The following SCUBE1 variants were observed in gnomAD, a reference collection of about 807,000 sequenced individuals.
SCUBE1 encodes signal peptide, CUB and EGF-like domain-containing protein 1.
In SCUBE1, 59 loss-of-function variants were observed where a neutral mutation model predicts 124.4. The ratio of observed to expected loss-of-function variants is 0.47; its 90% CI spans 0.38 to 0.59. SCUBE1 has a LOEUF of 0.59. SCUBE1 is among the 20% of genes least tolerant of loss of function. SCUBE1 has a pLI of 0.00. For synonymous variants in SCUBE1, 545 were observed against 550.9 expected (o/e 0.99, Z 0.15); for missense variants, 1,150 against 1,371.2 (o/e 0.84, Z 2.55).
intron 2 of SCUBE1, among the ~76,000 whole-genome samples, chr22:43,326,873 T>G (rs1267802964): frequency 6.6e-6 from 1 of 152,106 alleles, no homozygotes; most frequent in Non-Finnish European, 1.5e-5. Context: ...CTCTGCATCC[T>G]GAGCCCCAGC....
At chr22:43,227,981 G>A (rs1429809404) in intron 9 of SCUBE1, among the ~76,000 whole-genome samples, 1 of 152,200 alleles carries the variant, frequency 6.6e-6, no homozygotes, top group Non-Finnish European at 1.5e-5. Context: ...GGGGGAAGGG[G>A]CTGGGCCCCA....
intron 2 of SCUBE1, among the ~76,000 whole-genome samples, chr22:43,327,171 C>CG (rs1926753994): frequency 6.6e-6 from 1 of 152,168 alleles, no homozygotes; most frequent in South Asian, 2.1e-4. Context: ...ACACACAGGA[C>CG]TGCCCTGAGA....
chr22:43,296,236 T>C lies in SCUBE1; in HGVS notation c.350-5056A>G, dbSNP rs370648371. Among the ~76,000 whole-genome samples, 3 of 152,346 alleles carry C rather than the reference T, an allele frequency of 2.0e-5. 1 individual carries two copies. In the South Asian group the frequency reaches 6.2e-4, roughly 32 times the overall value. ...ATCAGTCCAACTAGCAGGGGGACAG[T>C]CCCTGCAGAAAACATTTGTGCAGCC... On this transcript the variant is annotated intron_variant, in intron 3 of 21. Coordinates refer to ENST00000360835, the MANE Select transcript of SCUBE1 (RefSeq NM_173050.5).
chr22:43,228,937 G>C, intron 9 of SCUBE1, 135 bp downstream of exon 9: 1 of 666,914 alleles, frequency 1.5e-6, no homozygotes, highest in Non-Finnish European at 2.7e-6. Context: ...CTCTGCCCAG[G>C]AGTCCCCATC....
chr22:43,281,563 C>CTTT lies in SCUBE1; in HGVS notation c.484+9482_484+9483insAAA, dbSNP rs1569011147. 2.4e-3 allele frequency among the ~76,000 whole-genome samples: 328 copies of CTTT among 137,816 alleles called. 14 individuals carry two copies. The East Asian group carries it at 0.028, about 12-fold the overall frequency. The allele number at this position is 137,816 out of a possible 152,430, so 90.4% of individuals were successfully genotyped here. A position where few individuals can be genotyped will look rare whatever the true frequency, so the allele number is the denominator to read the frequency against. On this transcript the variant is annotated intron_variant, in intron 4 of 21. Transcript: ENST00000360835. Reference sequence around the variant, plus strand: ...AGTCACCCTCCTGTCACCTCCCCCTCAGCCACCCTCCTGTCACCTCCCTTC... The same window carrying CTTT: ...AGTCACCCTCCTGTCACCTCCCCCTCTTTAGCCACCCTCCTGTCACCTCCCTTC...
intron 1 of SCUBE1, among the ~76,000 whole-genome samples, chr22:43,341,466 C>T (rs1927314700): frequency 6.6e-6 from 1 of 152,182 alleles, no homozygotes; most frequent in Non-Finnish European, 1.5e-5. Context: ...TCCCACTTCC[C>T]AGGGGCCAGT....
chr22:43,288,479 C>A (rs909638066), intron 4 of SCUBE1, among the ~76,000 whole-genome samples: 2 of 152,208 alleles, frequency 1.3e-5, no homozygotes, highest in Admixed American at 6.5e-5. Context: ...GTCCAGCCCC[C>A]ACCTCCCCGC....
intron 2 of SCUBE1, among the ~76,000 whole-genome samples, chr22:43,327,717 G>A (rs1048930105): frequency 2.6e-5 from 4 of 152,190 alleles, no homozygotes; most frequent in Admixed American, 1.3e-4. Context: ...AACCCGGGAG[G>A]CGGAGGTTGC....
At chr22:43,246,089 G>A (rs1300246000) in intron 6 of SCUBE1, among the ~76,000 whole-genome samples, 1 of 152,150 alleles carries the variant, frequency 6.6e-6, no homozygotes, top group Non-Finnish European at 1.5e-5. Context: ...CCTCAGGAGA[G>A]GTCTCCTCAC....
At chr22:43,252,659 G>A (rs779760959) in intron 6 of SCUBE1, among the ~76,000 whole-genome samples, 13 of 152,162 alleles carry the variant, frequency 8.5e-5, no homozygotes, top group Non-Finnish European at 1.6e-4. Flanking sequence ...CGAACTGCCC[G>A]TGATCTCTCC....
In SCUBE1 at chr22:43,231,520, C is replaced by CGGCT. The variant is rs528121170; in HGVS notation, c.967+229_967+232dup. ...TGGGTGAACTGATGAGCTGGGCCAC[C>CGGCT]GGCTCCCTCTGCCACCTGGGACATG... On this transcript the variant is annotated intron_variant, in intron 8 of 21. Coordinates refer to ENST00000360835, the MANE Select transcript of SCUBE1 (RefSeq NM_173050.5). Among the ~76,000 whole-genome samples, 168 of 152,326 alleles carry CGGCT rather than the reference C, an allele frequency of 1.1e-3. 5 individuals are homozygous for CGGCT. The South Asian group carries it at 0.034, about 30-fold the overall frequency.
At chr22:43,306,600 C>T (rs1925978643) in intron 3 of SCUBE1, among the ~76,000 whole-genome samples, 1 of 152,136 alleles carries the variant, frequency 6.6e-6, no homozygotes, top group African/African-American at 2.4e-5. Context: ...AATCCCTGAC[C>T]TGAATGTACA....
chr22:43,333,786 C>T (rs75085698), intron 2 of SCUBE1, among the ~76,000 whole-genome samples: 1,862 of 152,308 alleles, frequency 0.012, 35 homozygotes, highest in African/African-American at 0.043. Context: ...ACTGTGTAAC[C>T]TTTGGCCAGT....
chr22:43,206,691 G>A (rs1270661404), intron 21 of SCUBE1, among the ~76,000 whole-genome samples: 1 of 152,162 alleles, frequency 6.6e-6, no homozygotes, highest in African/African-American at 2.4e-5. Context: ...TGAGGAGCTG[G>A]GAGCTGCTGT....
chr22:43,306,312 T>A (rs185967521), intron 3 of SCUBE1, among the ~76,000 whole-genome samples: 2 of 152,334 alleles, frequency 1.3e-5, no homozygotes, highest in African/African-American at 4.8e-5. Context: ...TTATTTATTT[T>A]TTATTTTCTG....
intron 4 of SCUBE1, among the ~76,000 whole-genome samples, chr22:43,277,110 C>G (rs1209431102): frequency 6.6e-6 from 1 of 151,722 alleles, no homozygotes; most frequent in African/African-American, 2.4e-5. Flanking sequence ...TAGGTTCCAC[C>G]TGGGGGATCA....
At chr22:43,239,959 G>A (rs942947254) in intron 6 of SCUBE1, among the ~76,000 whole-genome samples, 3 of 152,188 alleles carry the variant, frequency 2.0e-5, no homozygotes, top group African/African-American at 4.8e-5. Context: ...TGGGGTCTGC[G>A]TTTCTGCAGG....
At chr22:43,304,780 C>T (rs1925904447) in intron 3 of SCUBE1, among the ~76,000 whole-genome samples, 1 of 152,248 alleles carries the variant, frequency 6.6e-6, no homozygotes, top group Admixed American at 6.5e-5. Context: ...AAATGTCCTC[C>T]CTTCACCCCA....
intron 3 of SCUBE1, among the ~76,000 whole-genome samples, chr22:43,303,965 C>CTGCTTTG (rs1286245105): frequency 1.3e-5 from 2 of 152,234 alleles, no homozygotes; most frequent in Non-Finnish European, 1.5e-5. Flanking sequence ...TTCTGACTCG[C>CTGCTTTG]TGCTTTGTGC....
Sources: gnomAD v4.1 joint callset for allele counts (sites outside exome capture counted in the v4.1 genomes callset) on GRCh38, gnomAD v4.1.1 for gene constraint, MANE v1.5 for transcripts, NCBI Gene and HGNC (gene_info 2026-07-23, HGNC 2026-07-21) for gene names.